Variants in SLC27A4 observed in about 807,000 individuals in gnomAD.
The protein encoded by SLC27A4 is long-chain fatty acid transport protein 4.
Under a neutral mutation model 64.4 loss-of-function variants are expected in SLC27A4, and 33 were observed. The ratio of observed to expected loss-of-function variants is 0.51; its 90% CI spans 0.39 to 0.68. SLC27A4 has a LOEUF of 0.68. Among genes scored for constraint, SLC27A4 ranks in the 30% least tolerant of loss-of-function variants. The pLI, the probability that SLC27A4 is intolerant of heterozygous loss-of-function variation, is 0.00. For missense variants in SLC27A4, 824 were observed against 883.5 expected (o/e 0.93, Z 0.85); for synonymous variants, 377 against 370.0 (o/e 1.02, Z -0.22).
intron 3 of SLC27A4, among the ~76,000 whole-genome samples, chr9:128,346,641 G>A (rs1313482707): frequency 6.6e-6 from 1 of 151,956 alleles, no homozygotes; most frequent in Non-Finnish European, 1.5e-5. Context: ...GGTTGAGGCT[G>A]CAGTGAGTGA....
chr9:128,353,491 C>G lies in SLC27A4; in HGVS notation c.1274C>G (p.Thr425Ser), dbSNP rs1282805763. 1 of 1,614,130 alleles carries G rather than the reference C, an allele frequency of 6.2e-7. No individual in the cohort carries two copies. Residue 425 changes from threonine (T) to serine (S), a missense_variant, in exon 9 of 13, where the codon ACC becomes AGC. By Grantham distance (58) the Thr-to-Ser change is moderately conservative. Transcript: ENST00000300456. The surrounding 1 kb of genome is among the most constrained non-coding windows in gnomAD (Gnocchi z 4.9). Reference protein sequence around the residue: ...PIRLVRVNEDTMELIRGPDGV... With the variant: ...PIRLVRVNEDSMELIRGPDGV... ...CGGTTGGTACGTGTCAACGAGGACA[C>G]CATGGAGCTGATCCGGGGGCCCGAC...
rs1414728276 is a variant in SLC27A4, at chr9:128,353,985, C to T, written c.1324+444C>T. Among the ~76,000 whole-genome samples, 4 of 151,550 alleles carry T rather than the reference C, an allele frequency of 2.6e-5. No homozygotes were observed. The highest frequency in any genetic ancestry group is 1.9e-4 in the East Asian group (1 of 5,170). ...GTCTCGATCTCCTGACCTCGTGATC[C>T]GCCCGCCTCGGCCTCCCAAAGTGCT... On this transcript the variant is annotated intron_variant, in intron 9 of 12. Coordinates refer to ENST00000300456, the MANE Select transcript of SLC27A4 (RefSeq NM_005094.4). This position sits in a 1 kb window ranked among gnomAD's most constrained non-coding sequence, Gnocchi z 4.9.
intron 3 of SLC27A4, 96 bp from the exon 4 acceptor site, chr9:128,348,449 G>A: frequency 2.0e-6 from 3 of 1,488,668 alleles, no homozygotes; most frequent in East Asian, 4.5e-5. Flanking sequence ...TGCCCAGCCA[G>A]TATCCTCAGC....
Position 128,342,380 on chromosome 9 carries a change from G to A in SLC27A4, c.-6-747G>A, listed in dbSNP as rs113380207. Reference sequence around the variant, plus strand: ...AGCGAATCGTAATGAGGCGTGCACCGCCAATATGCATTGTACATTCCACAA... The same window carrying A: ...AGCGAATCGTAATGAGGCGTGCACCACCAATATGCATTGTACATTCCACAA... On this transcript the variant is annotated intron_variant, in intron 1 of 12. Coordinates refer to ENST00000300456, the MANE Select transcript of SLC27A4 (RefSeq NM_005094.4). The A allele has an allele frequency of 2.6e-4, 414 of 1,609,464 alleles. 1 individual carries two copies. The African/African-American group carries it at 4.4e-3, about 17-fold the overall frequency.
At chr9:128,350,264 C>T (rs1832712464) in intron 4 of SLC27A4, 48 bp from the exon 5 acceptor site, 3 of 1,547,244 alleles carry the variant, frequency 1.9e-6, no homozygotes, top group East Asian at 2.2e-5. Flanking sequence ...TGACCCTTTG[C>T]CCAGCCCTGA....
chr9:128,353,669 CT>C lies in SLC27A4; in HGVS notation c.1324+129del. ...TCTCTGCTCTTAGGGTTACAAGTTA[CT>C]CATTTATTTGTGTATCCATCCATTC... On this transcript the variant is annotated intron_variant, in intron 9 of 12. Transcript: ENST00000300456. This position sits in a 1 kb window ranked among gnomAD's most constrained non-coding sequence, Gnocchi z 4.9. 1.1e-6 allele frequency: 1 copy of C among 936,298 alleles called. No individual in the cohort carries two copies. The highest frequency in any genetic ancestry group is 1.6e-5 in the South Asian group (1 of 61,522). 58.0% of individuals were successfully genotyped at this position (936,298 alleles called of 1,614,324 possible). A position where few individuals can be genotyped will look rare whatever the true frequency, so the allele number is the denominator to read the frequency against.
intron 12 of SLC27A4, among the ~76,000 whole-genome samples, chr9:128,356,678 C>T (rs962489744): frequency 5.9e-5 from 9 of 152,056 alleles, no homozygotes; most frequent in East Asian, 1.9e-4. Flanking sequence ...CGTGGTGGCT[C>T]ACGCCTGTAA....
Position 128,355,942 on chromosome 9 carries a change from C to A in SLC27A4, c.1774+146C>A, listed in dbSNP as rs368202896. ...ACCTGCCTGTGTAGAGGTGAGCAGA[C>A]GGGGCTGGCAGAGAAGACACACATT... is the stretch of plus-strand genomic sequence containing the variant. On this transcript the variant is annotated intron_variant, in intron 12 of 12. Coordinates refer to ENST00000300456, the MANE Select transcript of SLC27A4 (RefSeq NM_005094.4). 50 of 1,059,312 alleles carry A rather than the reference C, an allele frequency of 4.7e-5. No homozygotes were observed. The Middle Eastern group carries it at 1.1e-3, about 23-fold the overall frequency. The allele number at this position is 1,059,312 out of a possible 1,614,324, so 65.6% of individuals were successfully genotyped here.
In SLC27A4 at chr9:128,345,511, G is replaced by A. The variant is rs146266746; in HGVS notation, c.518G>A (p.Arg173His). The A allele has an allele frequency of 1.2e-5, 19 of 1,609,800 alleles. No individual in the cohort carries two copies. The highest frequency in any genetic ancestry group is 6.7e-5 in the African/African-American group (5 of 74,864). The change falls in exon 3 of 13, where the codon CGC (arginine) becomes CAC (histidine). Residue 173 changes from arginine (R) to histidine (H), a missense_variant. Coordinates refer to ENST00000300456, the MANE Select transcript of SLC27A4 (RefSeq NM_005094.4). The surrounding 1 kb of genome is among the most constrained non-coding windows in gnomAD (Gnocchi z 4.1). ...DALLHCLTTS[R>H]ARALVFGSEM... The stretch of plus-strand genomic sequence containing the variant: ...CTGCTCCACTGCCTCACCACCTCGC[G>A]CGCACGGGCCCTTGTCTTTGGCAGC...
rs577884961 is a variant in SLC27A4, at chr9:128,347,145, T to C, written c.557-1400T>C. 2.6e-5 allele frequency among the ~76,000 whole-genome samples: 4 copies of C among 152,326 alleles called. No homozygotes were observed. In the East Asian group the frequency reaches 5.8e-4, roughly 22 times the overall value. On this transcript the variant is annotated intron_variant, in intron 3 of 12. Coordinates refer to ENST00000300456, the MANE Select transcript of SLC27A4 (RefSeq NM_005094.4). ...TGGGAACAAAATTAATTCCCCACTT[T>C]CCTCACAGAGCCTGCATTTTATTTG...
At chr9:128,355,862 C>T (rs901596644) in intron 12 of SLC27A4, 66 bp downstream of exon 12, 15 of 1,601,148 alleles carry the variant, frequency 9.4e-6, no homozygotes, top group Middle Eastern at 1.6e-4. Flanking sequence ...TGGAGAGACC[C>T]GGTTGGCTGT....
intron 12 of SLC27A4, among the ~76,000 whole-genome samples, chr9:128,356,861 G>C (rs1401397298): frequency 6.6e-6 from 1 of 152,132 alleles, no homozygotes; most frequent in Non-Finnish European, 1.5e-5. Context: ...GGAGGCCAAG[G>C]CAGATGGATT....
In SLC27A4 at chr9:128,355,155, A is replaced by T; in HGVS notation, c.1427A>T (p.Asp476Val). The T allele has an allele frequency of 1.2e-6, 2 of 1,613,638 alleles. No individual in the cohort carries two copies. Among genetic ancestry groups the T allele is most frequent in the Non-Finnish European group, 1.7e-6 (2 of 1,179,828 alleles). Residue 476 changes from aspartate to valine, a missense_variant, in exon 10 of 13, where the codon GAT becomes GTT. Coordinates refer to ENST00000300456, the MANE Select transcript of SLC27A4 (RefSeq NM_005094.4). ...QGANNKKIAKDVFKKGDQAYL... is the reference protein window; with the variant it reads ...QGANNKKIAKVVFKKGDQAYL... ...GCCAACAACAAGAAGATTGCCAAGGATGTCTTCAAGAAGGGGGACCAGGCC... is the reference window on the plus strand; with the variant it reads ...GCCAACAACAAGAAGATTGCCAAGGTTGTCTTCAAGAAGGGGGACCAGGCC...
rs184610255 is a variant in SLC27A4, at chr9:128,350,564, A to G, written c.866A>G (p.Tyr289Cys). 54 of 1,612,408 alleles carry G rather than the reference A, an allele frequency of 3.3e-5. No homozygotes were observed. The highest frequency in any genetic ancestry group is 4.1e-5 in the Non-Finnish European group (48 of 1,179,280). Residue 289 changes from tyrosine (Y) to cysteine (C), a missense_variant, in exon 6 of 13, where the codon TAC (tyrosine) becomes TGC (cysteine). By Grantham distance (194) the Tyr-to-Cys change is radical. Coordinates refer to ENST00000300456, the MANE Select transcript of SLC27A4 (RefSeq NM_005094.4). Reference sequence around the variant, plus strand: ...ATCGTCTATGACTGCCTCCCCCTCTACCACTCAGCAGGTAACTCTAGGGCT... The same window carrying G: ...ATCGTCTATGACTGCCTCCCCCTCTGCCACTCAGCAGGTAACTCTAGGGCT... The part of the protein sequence containing the change: ...NDIVYDCLPL[Y>C]HSAGNIVGIG...
At chr9:128,355,333 C>G in intron 10 of SLC27A4, 65 bp from the exon 11 acceptor site, 3 of 1,608,482 alleles carry the variant, frequency 1.9e-6, no homozygotes, top group Non-Finnish European at 2.5e-6. Flanking sequence ...GCAAAGCCTC[C>G]CTGGCTTGAG....
At position 128,340,590 on chromosome 9, in the gene SLC27A4, CA is replaced by C; in HGVS notation, c.-254del. On this transcript the variant is annotated 5_prime_UTR_variant, in exon 1 of 13. Transcript: ENST00000300456. ...CTTGCCGGCTTCGGGGAAGGTGCGG[CA>C]GGCGGTGCTGCGGCCTGGCACAGCA... The C allele has an allele frequency of 4.1e-6, 1 of 242,604 alleles. No individual in the cohort carries two copies. The highest frequency in any genetic ancestry group is 7.7e-6 in the Non-Finnish European group (1 of 129,034). The allele number at this position is 242,604 out of a possible 1,614,324, so 15.0% of individuals were successfully genotyped here. A position where few individuals can be genotyped will look rare whatever the true frequency, so the allele number is the denominator to read the frequency against.
At position 128,360,367 on chromosome 9, in the gene SLC27A4, A is replaced by G. The variant is rs1206163361; in HGVS notation, c.1808A>G (p.Lys603Arg). ...TYKFQKTELRKEGFDPAIVKD... is the reference protein window; with the variant it reads ...TYKFQKTELRREGFDPAIVKD... ...AAGTTCCAGAAGACAGAGCTACGGA[A>G]GGAGGGCTTTGACCCGGCTATTGTG... is the stretch of plus-strand genomic sequence containing the variant. Residue 603 changes from lysine (K) to arginine (R), a missense_variant, in exon 13 of 13, where the codon AAG (lysine) becomes AGG (arginine). Lys to Arg is a conservative substitution (Grantham distance 26, BLOSUM62 2). Coordinates refer to ENST00000300456, the MANE Select transcript of SLC27A4 (RefSeq NM_005094.4). 6.2e-7 allele frequency: 1 copy of G among 1,614,144 alleles called. No homozygotes were observed. Among genetic ancestry groups the G allele is most frequent in the Admixed American group, 1.7e-5 (1 of 60,008 alleles).
chr9:128,358,618 AT>A (rs916207499), intron 12 of SLC27A4, among the ~76,000 whole-genome samples: 58 of 151,626 alleles, frequency 3.8e-4, no homozygotes, highest in African/African-American at 1.2e-3. Flanking sequence ...TAATTTTTGT[AT>A]TTTTTTTATT....
At chr9:128,341,413 C>G (rs1179540820) in intron 1 of SLC27A4, among the ~76,000 whole-genome samples, 1 of 152,236 alleles carries the variant, frequency 6.6e-6, no homozygotes, top group Non-Finnish European at 1.5e-5. Flanking sequence ...CCCTGAAGCA[C>G]AGTCAAGTCA....
Sources: allele counts gnomAD v4.1 joint callset (sites outside exome capture counted in the v4.1 genomes callset), GRCh38; gene constraint gnomAD v4.1.1; non-coding constraint Gnocchi (gnomAD v3.1); transcripts MANE v1.5; gene names NCBI Gene and HGNC (gene_info 2026-07-23, HGNC 2026-07-21).